KIAA0319: variants seen among roughly 807,000 people sequenced by gnomAD.
KIAA0319 encodes dyslexia-associated protein KIAA0319.
A neutral mutation model predicts 108.4 loss-of-function variants in KIAA0319; 83 were observed. The observed-to-expected ratio is 0.77, with a 90% CI of 0.64 to 0.92. The LOEUF (loss-of-function observed/expected upper bound fraction) is 0.92. Among genes scored for constraint, KIAA0319 ranks in the 40% least tolerant of loss-of-function variants. The pLI is 0.00. For synonymous variants in KIAA0319, 484 were observed against 510.4 expected (o/e 0.95, Z 0.70); for missense variants, 1,195 against 1,322.4 (o/e 0.90, Z 1.49).
chr6:24,600,963 T>C, intron 2 of KIAA0319, 86 bp downstream of exon 2: 1 of 1,545,748 alleles, frequency 6.5e-7, no homozygotes, highest in Non-Finnish European at 8.9e-7. Context: ...ACCAACAGCG[T>C]CTTCACCTCA....
intron 2 of KIAA0319, chr6:24,598,197 C>T (rs368124634): frequency 2.5e-5 from 12 of 481,720 alleles, no homozygotes; most frequent in Admixed American, 5.8e-5. Flanking sequence ...GAGGCTATGG[C>T]GGGACCAGTG....
Position 24,545,640 on chromosome 6 carries a change from CTT to C in KIAA0319, c.*1523_*1524del, listed in dbSNP as rs1377646461. On this transcript the variant is annotated 3_prime_UTR_variant, in exon 21 of 21. Transcript: ENST00000378214. The stretch of plus-strand genomic sequence containing the variant: ...ATTATTTTAAAAATAAAATGACACA[CTT>C]TTTAGTTCTGCCTTTCCCCAGTAAA... 6.6e-6 allele frequency: 1 copy of C among 152,162 alleles called. No homozygotes were observed. The highest frequency in any genetic ancestry group is 1.5e-5 in the Non-Finnish European group (1 of 68,022). The allele number at this position is 152,162 out of a possible 1,614,324, so 9.4% of individuals were successfully genotyped here. A position where few individuals can be genotyped will look rare whatever the true frequency, so the allele number is the denominator to read the frequency against.
chr6:24,542,740 G>A (rs1449632940), downstream of KIAA0319, among the ~76,000 whole-genome samples: 1 of 152,212 alleles, frequency 6.6e-6, no homozygotes, highest in East Asian at 1.9e-4. Flanking sequence ...ACCTAAGTGA[G>A]CATTTGTTAA....
chr6:24,610,039 A>G lies in KIAA0319; in HGVS notation c.-105-8831T>C, dbSNP rs563684558. On this transcript the variant is annotated intron_variant, in intron 1 of 20. Transcript: ENST00000378214. Reference sequence around the variant, plus strand: ...AACTTTGATTATGCAATGGTTTCTTAAATATGACACCAAAAGGACAAATGA... The same window carrying G: ...AACTTTGATTATGCAATGGTTTCTTGAATATGACACCAAAAGGACAAATGA... 3.2e-4 allele frequency among the ~76,000 whole-genome samples: 49 copies of G among 152,318 alleles called. 2 individuals carry two copies. In the South Asian group the frequency reaches 9.7e-3, roughly 30 times the overall value.
intron 16 of KIAA0319, among the ~76,000 whole-genome samples, chr6:24,559,936 A>G (rs919160406): frequency 2.0e-5 from 3 of 152,234 alleles, no homozygotes; most frequent in African/African-American, 7.2e-5. Flanking sequence ...TGGACACTTC[A>G]GATAGATGGA....
intron 3 of KIAA0319, among the ~76,000 whole-genome samples, chr6:24,592,387 A>G (rs1768634138): frequency 6.6e-6 from 1 of 152,188 alleles, no homozygotes; most frequent in South Asian, 2.1e-4. Context: ...TCTGTCATCA[A>G]TTCCAAACTT....
In KIAA0319 at chr6:24,573,373, C is replaced by T. The variant is rs1441605018; in HGVS notation, c.1735-675G>A. Among the ~76,000 whole-genome samples the T allele has an allele frequency of 1.3e-5, 2 of 152,144 alleles. 1 individual carries two copies. Among genetic ancestry groups the T allele is most frequent in the Admixed American group, 1.3e-4 (2 of 15,268 alleles). ...CAAAACATGGAAACAATCTACACAT[C>T]CATCAACAGGAGGATGGTCAAACAC... On this transcript the variant is annotated intron_variant, in intron 10 of 20. Coordinates refer to ENST00000378214, the MANE Select transcript of KIAA0319 (RefSeq NM_014809.4).
intron 2 of KIAA0319, chr6:24,597,940 A>AAAAAAAAAAAAAAAAAAAAAAAAAC (rs1562032993): frequency 2.7e-5 from 4 of 146,990 alleles, no homozygotes; most frequent in African/African-American, 1.1e-4. Flanking sequence ...AAAAAAAAAA[A>AAAAAAAAAAAAAAAAAAAAAAAAAC]AAAAAAAAAA....
rs144732555 is a variant in KIAA0319, at chr6:24,596,062, C to T, written c.612G>A (p.Ala204=). ...GGTCCTGCTGCGTCTCCGCTGGCAC[C>T]GCAGGACTGTCTCCAACAGAGGAGT... The part of the protein sequence containing the change: ...AFNSSVGDSP[A]VPAETQQDPE... Residue 204 remains alanine, a synonymous_variant, in exon 3 of 21, where the codon GCG becomes GCA. Coordinates refer to ENST00000378214, the MANE Select transcript of KIAA0319 (RefSeq NM_014809.4). 23 of 1,613,870 alleles carry T rather than the reference C, an allele frequency of 1.4e-5. No individual in the cohort carries two copies. Among genetic ancestry groups the T allele is most frequent in the Non-Finnish European group, 1.5e-5 (18 of 1,179,914 alleles).
rs764679597 is a variant in KIAA0319, at chr6:24,581,010, A to T, written c.1195T>A (p.Ser399Thr). The T allele has an allele frequency of 1.2e-6, 2 of 1,600,738 alleles. No individual in the cohort carries two copies. Among genetic ancestry groups the T allele is most frequent in the East Asian group, 4.5e-5 (2 of 44,804 alleles). Residue 399 changes from serine (S) to threonine (T), a missense_variant, in exon 7 of 21, where the codon TCC becomes ACC. Ser to Thr is a moderately conservative substitution (Grantham distance 58). Transcript: ENST00000378214. ...ACTTTGAAGACATAAAGTCCGACGG[A>T]CAACTGTAACATAAAGAAAAGTTGT... ...HKQTLNLSQL[S>T]VGLYVFKVTV...
chr6:24,644,165 GTC>G lies in KIAA0319; in HGVS notation c.-106+1569_-106+1570del, dbSNP rs1229017027. 2.0e-5 allele frequency among the ~76,000 whole-genome samples: 3 copies of G among 152,158 alleles called. No individual in the cohort carries two copies. In the East Asian group the frequency reaches 5.8e-4, roughly 29 times the overall value. The stretch of plus-strand genomic sequence containing the variant: ...CTTCACATCCCAAAGCTGTGCATAT[GTC>G]TACATGGTCCCCGTCTGAGTGAGTG... On this transcript the variant is annotated intron_variant, in intron 1 of 20. Transcript: ENST00000378214.
rs1019727421 is a variant in KIAA0319 at position 24,544,464 on chromosome 6, G to A, written c.*2701C>T. 1 of 152,210 alleles carries A rather than the reference G, an allele frequency of 6.6e-6. No homozygotes were observed. The highest frequency in any genetic ancestry group is 2.4e-5 in the African/African-American group (1 of 41,448). The allele number at this position is 152,210 out of a possible 1,614,324, so 9.4% of individuals were successfully genotyped here. A position where few individuals can be genotyped will look rare whatever the true frequency, so the allele number is the denominator to read the frequency against. On this transcript the variant is annotated 3_prime_UTR_variant, in exon 21 of 21. Coordinates refer to ENST00000378214, the MANE Select transcript of KIAA0319 (RefSeq NM_014809.4). ...TAAAACCAAGATTAAAATAGTCCAT[G>A]ATAGCTTTGTCACACAAAAAACAAT... is the stretch of plus-strand genomic sequence containing the variant.
intron 1 of KIAA0319, among the ~76,000 whole-genome samples, chr6:24,628,708 C>G (rs1775072337): frequency 6.6e-6 from 1 of 152,200 alleles, no homozygotes; most frequent in Non-Finnish European, 1.5e-5. Flanking sequence ...CTCTGAGAGT[C>G]TGATCAGAAT....
At chr6:24,554,333 G>A (rs557252279) in intron 19 of KIAA0319, among the ~76,000 whole-genome samples, 18 of 152,284 alleles carry the variant, frequency 1.2e-4, no homozygotes, top group African/African-American at 2.4e-4. Context: ...ATACAGAATC[G>A]TTGACCCTCC....
At chr6:24,556,571 C>T in intron 18 of KIAA0319, 36 bp downstream of exon 18, 1 of 1,605,322 alleles carries the variant, frequency 6.2e-7, no homozygotes, top group South Asian at 1.1e-5. Context: ...TGCCTTAAGG[C>T]TCCTCACCCA....
chr6:24,638,939 A>G (rs1157168545), intron 1 of KIAA0319, among the ~76,000 whole-genome samples: 3 of 152,208 alleles, frequency 2.0e-5, no homozygotes, highest in Non-Finnish European at 4.4e-5. Context: ...CAAACAAAGA[A>G]ACAGTCAATA....
In KIAA0319 at chr6:24,596,262, T is replaced by G. The variant is rs971036998; in HGVS notation, c.412A>C (p.Arg138=). The part of the protein sequence containing the change: ...GIWGDSPEDI[R]KDLTFLGKDW... The stretch of plus-strand genomic sequence containing the variant: ...TTGCCTAGAAAGGTCAAGTCCTTTC[T>G]GATATCCTCAGGTGAGTCCCCCCAG... Residue 138 remains arginine (R), a synonymous_variant, in exon 3 of 21, where the codon AGA becomes CGA. Coordinates refer to ENST00000378214, the MANE Select transcript of KIAA0319 (RefSeq NM_014809.4). 1 of 1,614,198 alleles carries G rather than the reference T, an allele frequency of 6.2e-7. No individual in the cohort carries two copies.
At chr6:24,551,550 A>C in intron 19 of KIAA0319, 25 bp from the exon 20 acceptor site, 1 of 1,450,358 alleles carries the variant, frequency 6.9e-7, no homozygotes, top group Non-Finnish European at 9.7e-7. Flanking sequence ...GAAAAGCTCA[A>C]CTCAGATCTT....
chr6:24,564,443 C>A, intron 14 of KIAA0319, 103 bp from the exon 15 acceptor site: 1 of 1,455,132 alleles, frequency 6.9e-7, no homozygotes, highest in South Asian at 1.2e-5. Context: ...TTAACACAGG[C>A]GTGACTTTAA....
Sources: allele counts gnomAD v4.1 joint callset (sites outside exome capture counted in the v4.1 genomes callset), GRCh38; gene constraint gnomAD v4.1.1; transcripts MANE v1.5; gene names NCBI Gene and HGNC (gene_info 2026-07-23, HGNC 2026-07-21).